MED13L: variants seen among roughly 807,000 people sequenced by gnomAD.
The protein encoded by MED13L is mediator complex subunit 13L.
A neutral mutation model predicts 220.9 loss-of-function variants in MED13L; 7 were observed. The observed-to-expected ratio is 0.03, with a 90% confidence interval of 0.02 to 0.06. The LOEUF is 0.06. Ranked by LOEUF, MED13L falls within the 10% of genes least tolerant of loss-of-function variation. The probability of loss-of-function intolerance (pLI) is 1.00; values close to 1 mark genes in which losing one functional copy is unlikely to be tolerated. For missense variants in MED13L, 1,965 were observed against 2,760.5 expected, an observed-to-expected ratio of 0.71 and a Z score of 6.46; for synonymous variants, 1,011 against 1,015.2, an observed-to-expected ratio of 1.00 and a Z score of 0.08.
chr12:116,011,099 C>T (rs1879369332), intron 9 of MED13L, among the ~76,000 whole-genome samples: 1 of 151,812 alleles, frequency 6.6e-6, no homozygotes. Flanking sequence ...GTTGGTCAGG[C>T]TGGTCTCGAA....
chr12:116,102,684 A>G (rs974781449), intron 3 of MED13L, among the ~76,000 whole-genome samples: 3 of 117,460 alleles, frequency 2.6e-5, no homozygotes, highest in South Asian at 2.7e-4. Context: ...AGTAATCCCT[A>G]TATTTTCTTT....
At chr12:116,058,488 A>C (rs1405085353) in intron 4 of MED13L, among the ~76,000 whole-genome samples, 1 of 152,224 alleles carries the variant, frequency 6.6e-6, no homozygotes, top group Admixed American at 6.5e-5. Context: ...AAAATAGCTT[A>C]CACTATAGCA....
At chr12:116,061,158 C>T (rs1279065818) in intron 4 of MED13L, among the ~76,000 whole-genome samples, 1 of 152,096 alleles carries the variant, frequency 6.6e-6, no homozygotes, top group Non-Finnish European at 1.5e-5. Flanking sequence ...TATTTTAAAG[C>T]AACTGGGTGG....
intron 17 of MED13L, among the ~76,000 whole-genome samples, chr12:115,990,600 C>G (rs551621022): frequency 4.7e-4 from 72 of 152,204 alleles, no homozygotes; most frequent in African/African-American, 1.6e-3. Flanking sequence ...AGGGGGAAAA[C>G]AGAGAAGGGA....
rs1482845652 is a variant in MED13L at position 116,024,777 on chromosome 12, G to GT, written c.480-2177_480-2176insA. On this transcript the variant is annotated intron_variant, in intron 4 of 30. Transcript: ENST00000281928. ...TCATGCTTTTTTTTGGCGGGGCGGG[G>GT]GGGGGGGGGAGGTGATCTTGTTTTT... 2.0e-4 allele frequency among the ~76,000 whole-genome samples: 19 copies of GT among 96,290 alleles called. 2 individuals are homozygous for GT. Among genetic ancestry groups the GT allele is most frequent in the Non-Finnish European group, 2.9e-4 (14 of 47,676 alleles). 63.2% of individuals were successfully genotyped at this position (96,290 alleles called of 152,430 possible).
chr12:116,032,449 G>A (rs547027793), intron 4 of MED13L, among the ~76,000 whole-genome samples: 11 of 152,140 alleles, frequency 7.2e-5, no homozygotes, highest in African/African-American at 2.4e-4. Flanking sequence ...CCCTCCAATG[G>A]CCCAGTAATC....
intron 2 of MED13L, among the ~76,000 whole-genome samples, chr12:116,209,116 T>C (rs1324647008): frequency 6.6e-6 from 1 of 152,248 alleles, no homozygotes; most frequent in African/African-American, 2.4e-5. Context: ...TCTTTATAAA[T>C]ATATTTTGAT....
intron 19 of MED13L, among the ~76,000 whole-genome samples, chr12:115,985,404 C>A (rs577397570): frequency 6.6e-6 from 1 of 152,330 alleles, no homozygotes; most frequent in South Asian, 2.1e-4. Context: ...ATTTACTATT[C>A]CGTGCCTACT....
intron 4 of MED13L, among the ~76,000 whole-genome samples, chr12:116,085,008 T>C (rs1871526657): frequency 6.6e-6 from 1 of 152,218 alleles, no homozygotes; most frequent in Non-Finnish European, 1.5e-5. Flanking sequence ...TTTATTTTTC[T>C]ACATTCTCAA....
chr12:116,254,923 C>T (rs1012318487), intron 1 of MED13L, among the ~76,000 whole-genome samples: 44 of 152,226 alleles, frequency 2.9e-4, no homozygotes, highest in African/African-American at 1.0e-3. Context: ...AAGAGCCAGA[C>T]CATGTTCATG....
intron 17 of MED13L, among the ~76,000 whole-genome samples, chr12:115,989,730 ACTC>A (rs896744389): frequency 1.4e-4 from 22 of 152,094 alleles, no homozygotes; most frequent in African/African-American, 5.1e-4. Flanking sequence ...CAAATCTGGG[ACTC>A]CTCAACATCT....
At chr12:116,163,964 A>G (rs1455681362) in intron 2 of MED13L, among the ~76,000 whole-genome samples, 3 of 152,240 alleles carry the variant, frequency 2.0e-5, no homozygotes, top group Admixed American at 2.0e-4. Context: ...GGACAAAAGA[A>G]GTAAAACTGA....
intron 1 of MED13L, among the ~76,000 whole-genome samples, chr12:116,263,360 T>C (rs969781304): frequency 1.3e-5 from 2 of 152,140 alleles, no homozygotes; most frequent in Non-Finnish European, 2.9e-5. Context: ...AAAATCTCAT[T>C]ATATTTCTGA....
chr12:116,124,625 G>T (rs965543669), intron 2 of MED13L, among the ~76,000 whole-genome samples: 1 of 151,966 alleles, frequency 6.6e-6, no homozygotes, highest in African/African-American at 2.4e-5. Context: ...ATGTAACTTT[G>T]GTTAAAAACA....
rs758831032 is a variant in MED13L at position 116,002,993 on chromosome 12, C to T, written c.2569+10G>A. The T allele has an allele frequency of 3.1e-6, 5 of 1,607,846 alleles. No individual in the cohort carries two copies. The highest frequency in any genetic ancestry group is 3.4e-6 in the Non-Finnish European group (4 of 1,174,346). On this transcript the variant is annotated intron_variant, in intron 14 of 30. Transcript: ENST00000281928. ...GAGCCACAATGGCTCAGTCAAGTTT[C>T]TCTACCTACTTGGTGGATAAGGAAC...
At chr12:116,041,881 G>A (rs1363834774) in intron 4 of MED13L, among the ~76,000 whole-genome samples, 1 of 152,088 alleles carries the variant, frequency 6.6e-6, no homozygotes, top group African/African-American at 2.4e-5. Context: ...ATTCAAAGGA[G>A]AGTGACCAAA....
chr12:116,052,205 T>C (rs1361747076), intron 4 of MED13L, among the ~76,000 whole-genome samples: 1 of 152,014 alleles, frequency 6.6e-6, no homozygotes, highest in Non-Finnish European at 1.5e-5. Context: ...GAGGCAAGGA[T>C]TCGAATTCAA....
At chr12:116,086,254 T>C (rs1010010089) in intron 4 of MED13L, among the ~76,000 whole-genome samples, 2 of 151,876 alleles carry the variant, frequency 1.3e-5, no homozygotes, top group Non-Finnish European at 2.9e-5. Flanking sequence ...AAATGTAGTA[T>C]TTTAATTTAG....
chr12:116,128,420 A>G (rs1363257327), intron 2 of MED13L, among the ~76,000 whole-genome samples: 3 of 151,924 alleles, frequency 2.0e-5, no homozygotes, highest in African/African-American at 7.2e-5. Flanking sequence ...CAAGATTAGA[A>G]TGACTAATGA....
Sources: allele counts gnomAD v4.1 joint callset (sites outside exome capture counted in the v4.1 genomes callset), GRCh38; gene constraint gnomAD v4.1.1; transcripts MANE v1.5; gene names NCBI Gene and HGNC (gene_info 2026-07-23, HGNC 2026-07-21).